The following SLCO5A1 variants were observed in gnomAD, a reference collection of about 807,000 sequenced individuals.
SLCO5A1 encodes solute carrier organic anion transporter family member 5A1, also known as organic anion transporter polypeptide-related protein 4.
A neutral mutation model predicts 65.1 loss-of-function variants in SLCO5A1; 39 were observed. That is an observed-to-expected ratio of 0.60 (90% confidence interval 0.46 to 0.78). The LOEUF (loss-of-function observed/expected upper bound fraction) is 0.78, where lower values mean the gene tolerates loss of function less well. SLCO5A1 is among the 30% of genes least tolerant of loss of function. SLCO5A1 has a pLI of 0.00. For synonymous variants in SLCO5A1, 438 were observed against 415.7 expected (o/e 1.05, Z -0.65); for missense variants, 1,029 against 1,069.4 (o/e 0.96, Z 0.53).
At chr8:69,784,948 AAG>A (rs1456002693) in intron 2 of SLCO5A1, among the ~76,000 whole-genome samples, 1 of 148,622 alleles carries the variant, frequency 6.7e-6, no homozygotes, top group Admixed American at 6.7e-5. Flanking sequence ...GAAAGAAAGA[AAG>A]AAGAAAGGAA....
intron 5 of SLCO5A1, among the ~76,000 whole-genome samples, chr8:69,735,879 T>A (rs1446030821): frequency 2.0e-5 from 3 of 152,210 alleles, no homozygotes; most frequent in Non-Finnish European, 4.4e-5. Context: ...AATTATCATC[T>A]CTGTTTAATC....
At chr8:69,733,114 C>T (rs1353681138) in intron 5 of SLCO5A1, among the ~76,000 whole-genome samples, 1 of 152,106 alleles carries the variant, frequency 6.6e-6, no homozygotes, top group Non-Finnish European at 1.5e-5. Flanking sequence ...GAGCCTTGGA[C>T]TTAGTAAACA....
intron 2 of SLCO5A1, among the ~76,000 whole-genome samples, chr8:69,766,779 C>T (rs1032123844): frequency 1.3e-5 from 2 of 152,208 alleles, no homozygotes; most frequent in African/African-American, 4.8e-5. Context: ...CATCTGTCTT[C>T]CCCAACTGGA....
intron 6 of SLCO5A1, among the ~76,000 whole-genome samples, chr8:69,690,357 C>T (rs910851372): frequency 6.6e-5 from 10 of 150,998 alleles, no homozygotes; most frequent in African/African-American, 2.4e-4. Flanking sequence ...GAAATCACAT[C>T]GCGTCAACAC....
intron 6 of SLCO5A1, among the ~76,000 whole-genome samples, chr8:69,686,832 G>A (rs1185756603): frequency 2.0e-5 from 3 of 152,066 alleles, no homozygotes; most frequent in Non-Finnish European, 2.9e-5. Flanking sequence ...AGTTTTTCTC[G>A]CACTCTGCTT....
chr8:69,758,499 C>A (rs1563705591), intron 3 of SLCO5A1, among the ~76,000 whole-genome samples: 1 of 152,088 alleles, frequency 6.6e-6, no homozygotes, highest in Non-Finnish European at 1.5e-5. Context: ...CATAGCATTG[C>A]ACTCAACCTC....
intron 2 of SLCO5A1, among the ~76,000 whole-genome samples, chr8:69,776,099 T>C (rs1371662273): frequency 1.3e-5 from 2 of 152,180 alleles, no homozygotes; most frequent in African/African-American, 4.8e-5. Flanking sequence ...TAACACTCAG[T>C]GCAGAAACAA....
chr8:69,730,394 G>A (rs1816279317), intron 5 of SLCO5A1, among the ~76,000 whole-genome samples: 1 of 152,182 alleles, frequency 6.6e-6, no homozygotes, highest in Non-Finnish European at 1.5e-5. Context: ...GGTACACAGG[G>A]TTTTGGGAAA....
chr8:69,715,056 A>G (rs1370992169), intron 5 of SLCO5A1: 1 of 152,256 alleles, frequency 6.6e-6, no homozygotes, highest in African/African-American at 2.4e-5. Flanking sequence ...AAATCAAATC[A>G]AATTAATATT....
chr8:69,826,585 C>T (rs961159743), intron 2 of SLCO5A1, among the ~76,000 whole-genome samples: 5 of 151,928 alleles, frequency 3.3e-5, no homozygotes, highest in African/African-American at 1.2e-4. Flanking sequence ...AATGAGATAC[C>T]ATCTCACACC....
chr8:69,697,565 C>T (rs1297320209), intron 6 of SLCO5A1, among the ~76,000 whole-genome samples: 5 of 151,986 alleles, frequency 3.3e-5, no homozygotes, highest in Non-Finnish European at 7.4e-5. Context: ...GGGGGGACAG[C>T]GGGCTCCCCT....
chr8:69,759,973 G>A (rs903349650), intron 3 of SLCO5A1, among the ~76,000 whole-genome samples: 1 of 152,092 alleles, frequency 6.6e-6, no homozygotes, highest in Non-Finnish European at 1.5e-5. Flanking sequence ...GCTGCCAACT[G>A]GACTAACATC....
intron 5 of SLCO5A1, among the ~76,000 whole-genome samples, chr8:69,712,644 C>T (rs943767703): frequency 3.3e-5 from 5 of 152,124 alleles, no homozygotes; most frequent in African/African-American, 9.7e-5. Context: ...TGGTACCCAG[C>T]GCTAGCCCCT....
chr8:69,688,607 G>T (rs937617935), intron 6 of SLCO5A1, among the ~76,000 whole-genome samples: 1 of 151,454 alleles, frequency 6.6e-6, no homozygotes, highest in Non-Finnish European at 1.5e-5. Context: ...TTGTCCTTGC[G>T]ATAGTTTACT....
intron 2 of SLCO5A1, among the ~76,000 whole-genome samples, chr8:69,806,495 A>G (rs1819995572): frequency 6.6e-6 from 1 of 152,200 alleles, no homozygotes; most frequent in African/African-American, 2.4e-5. Flanking sequence ...ATCTTGTTAC[A>G]TCTTATCTCC....
chr8:69,757,157 T>G (rs573589889), intron 3 of SLCO5A1, among the ~76,000 whole-genome samples: 1 of 152,206 alleles, frequency 6.6e-6, no homozygotes, highest in South Asian at 2.1e-4. Context: ...AATAATTTAG[T>G]GTGCTATTTT....
intron 5 of SLCO5A1, among the ~76,000 whole-genome samples, chr8:69,711,283 A>G (rs1484286532): frequency 6.6e-6 from 1 of 151,974 alleles, no homozygotes; most frequent in Non-Finnish European, 1.5e-5. Flanking sequence ...CCAGGTCCCA[A>G]AGAGTCAGCT....
intron 5 of SLCO5A1, among the ~76,000 whole-genome samples, chr8:69,730,959 C>T (rs1484007982): frequency 6.6e-6 from 1 of 151,732 alleles, no homozygotes; most frequent in Non-Finnish European, 1.5e-5. Flanking sequence ...TGTGAGATGG[C>T]CTGTGGCTGC....
At chr8:69,711,016 C>T (rs1488957663) in intron 5 of SLCO5A1, among the ~76,000 whole-genome samples, 1 of 152,036 alleles carries the variant, frequency 6.6e-6, no homozygotes, top group East Asian at 1.9e-4. Context: ...CATACTGTCC[C>T]CCCCACTCAA....
Sources: gnomAD v4.1 joint callset for allele counts (sites outside exome capture counted in the v4.1 genomes callset) on GRCh38, gnomAD v4.1.1 for gene constraint, MANE v1.5 for transcripts, NCBI Gene and HGNC (gene_info 2026-07-23, HGNC 2026-07-21) for gene names.